Variants in EPHA7 observed in about 807,000 individuals in gnomAD.
EPHA7 encodes EPH receptor A7.
Under a neutral mutation model 112.6 loss-of-function variants are expected in EPHA7, and 25 were observed. The ratio of observed to expected loss-of-function variants is 0.22; its 90% CI spans 0.16 to 0.31. The LOEUF (loss-of-function observed/expected upper bound fraction) is 0.31, where lower values mean the gene tolerates loss of function less well. Ranked by LOEUF, EPHA7 falls within the 10% of genes least tolerant of loss-of-function variation. EPHA7 has a pLI of 1.00. For synonymous variants in EPHA7, 437 were observed against 406.5 expected, an observed-to-expected ratio of 1.07 and a Z score of -0.90; for missense variants, 962 against 1,212.6, an observed-to-expected ratio of 0.79 and a Z score of 3.07.
chr6:93,291,948 T>C (rs1029972553), intron 5 of EPHA7, among the ~76,000 whole-genome samples: 4 of 152,090 alleles, frequency 2.6e-5, no homozygotes, highest in Admixed American at 2.0e-4. Flanking sequence ...GTATGTAACA[T>C]ACATGGAATA....
intron 3 of EPHA7, among the ~76,000 whole-genome samples, chr6:93,391,097 A>C (rs1322930281): frequency 6.6e-6 from 1 of 151,924 alleles, no homozygotes; most frequent in Non-Finnish European, 1.5e-5. Flanking sequence ...AATAATTTAA[A>C]TTGTCAACAA....
At chr6:93,350,769 T>C (rs903472043) in intron 5 of EPHA7, among the ~76,000 whole-genome samples, 3 of 151,954 alleles carry the variant, frequency 2.0e-5, no homozygotes, top group African/African-American at 7.2e-5. Context: ...CAAACGACTA[T>C]ATGTAATATG....
At chr6:93,366,656 T>A (rs941100200) in intron 3 of EPHA7, among the ~76,000 whole-genome samples, 1 of 152,074 alleles carries the variant, frequency 6.6e-6, no homozygotes, top group Non-Finnish European at 1.5e-5. Flanking sequence ...ACGGCACCCC[T>A]GATGGTGTCT....
intron 10 of EPHA7, 49 bp from the exon 11 acceptor site, chr6:93,258,333 T>TA (rs774362521): frequency 3.4e-6 from 5 of 1,481,594 alleles, no homozygotes; most frequent in Non-Finnish European, 3.6e-6. Flanking sequence ...AATATTGTAA[T>TA]TTTCTTTTAA....
chr6:93,294,086 G>A (rs1413096448), intron 5 of EPHA7, among the ~76,000 whole-genome samples: 4 of 152,096 alleles, frequency 2.6e-5, no homozygotes, highest in African/African-American at 4.8e-5. Context: ...ATCATTTCCC[G>A]TGCAAGCAGA....
At chr6:93,377,331 G>A (rs557501165) in intron 3 of EPHA7, among the ~76,000 whole-genome samples, 4 of 151,966 alleles carry the variant, frequency 2.6e-5, no homozygotes, top group African/African-American at 7.2e-5. Flanking sequence ...TAGGCTCCAG[G>A]TATGTCCTTG....
chr6:93,357,103 C>A (rs772439456), intron 4 of EPHA7, 51 bp from the exon 5 acceptor site: 24 of 1,376,854 alleles, frequency 1.7e-5, no homozygotes, highest in African/African-American at 1.3e-4. Context: ...GAAAAAAAAA[C>A]ATACAAACAA....
At chr6:93,361,837 G>C (rs549560467) in intron 3 of EPHA7, among the ~76,000 whole-genome samples, 1 of 152,128 alleles carries the variant, frequency 6.6e-6, no homozygotes, top group East Asian at 1.9e-4. Context: ...AATTGATATA[G>C]CATGTGCCCT....
At chr6:93,319,885 A>G (rs1008260049) in intron 5 of EPHA7, among the ~76,000 whole-genome samples, 6 of 152,264 alleles carry the variant, frequency 3.9e-5, no homozygotes, top group African/African-American at 1.4e-4. Flanking sequence ...TTATAAATTC[A>G]CATGAAAAAT....
At chr6:93,327,031 G>C (rs1273797167) in intron 5 of EPHA7, among the ~76,000 whole-genome samples, 3 of 151,486 alleles carry the variant, frequency 2.0e-5, no homozygotes, top group Non-Finnish European at 4.4e-5. Context: ...GTGCTATCTA[G>C]AATTGGGCAC....
At chr6:93,382,595 C>G (rs1182655974) in intron 3 of EPHA7, among the ~76,000 whole-genome samples, 1 of 152,150 alleles carries the variant, frequency 6.6e-6, no homozygotes, top group Non-Finnish European at 1.5e-5. Context: ...CATTTCTCTT[C>G]TTTCTTCATG....
Position 93,414,711 on chromosome 6 carries a change from G to A in EPHA7, c.154C>T (p.Pro52Ser), listed in dbSNP as rs1268640001. Residue 52 changes from proline to serine, a missense_variant, in exon 2 of 17, where the codon CCC becomes TCC. Pro to Ser is a moderately conservative substitution (Grantham distance 74, BLOSUM62 -1). This residue lies in a region of EPHA7 where 56 missense variants were observed against 59.9 expected (regional missense o/e 0.94). Coordinates refer to ENST00000369303, the MANE Select transcript of EPHA7 (RefSeq NM_004440.4). ...TGATGAAAAAAACTTACCCCATTGG[G>A]TGGAGAGGAAATCCACTCCAACTCT... is the stretch of plus-strand genomic sequence containing the variant. ...QTELEWISSP[P>S]NGWEEISGLD... The A allele has an allele frequency of 1.9e-6, 3 of 1,611,478 alleles. No individual in the cohort carries two copies. Among genetic ancestry groups the A allele is most frequent in the South Asian group, 1.1e-5 (1 of 90,998 alleles).
intron 5 of EPHA7, among the ~76,000 whole-genome samples, chr6:93,294,786 G>C (rs1772567816): frequency 6.6e-6 from 1 of 151,954 alleles, no homozygotes; most frequent in South Asian, 2.1e-4. Context: ...ATTCACATAT[G>C]GCATTGATAA....
At chr6:93,273,929 G>A (rs1290744680) in intron 5 of EPHA7, among the ~76,000 whole-genome samples, 1 of 151,836 alleles carries the variant, frequency 6.6e-6, no homozygotes, top group Non-Finnish European at 1.5e-5. Flanking sequence ...TGTGACATGA[G>A]ACTCTACTTG....
chr6:93,329,576 G>A (rs933561381), intron 5 of EPHA7, among the ~76,000 whole-genome samples: 9 of 151,034 alleles, frequency 6.0e-5, no homozygotes, highest in Non-Finnish European at 1.0e-4. Context: ...TTCCAACACA[G>A]CTATTCTTTG....
At chr6:93,396,628 G>A (rs568585689) in intron 3 of EPHA7, among the ~76,000 whole-genome samples, 24 of 151,668 alleles carry the variant, frequency 1.6e-4, no homozygotes, top group Non-Finnish European at 1.9e-4. Flanking sequence ...ATGTTTTTAC[G>A]AATAGATTTA....
chr6:93,345,203 GTTTTGT>G (rs1345272803), intron 5 of EPHA7, among the ~76,000 whole-genome samples: 5 of 151,600 alleles, frequency 3.3e-5, no homozygotes, highest in Admixed American at 6.6e-5. Context: ...GGCTTAACCA[GTTTTGT>G]TTTTATCATC....
chr6:93,419,321 G>A lies in EPHA7; in HGVS notation c.21C>T (p.Tyr7=), dbSNP rs1779414366. ...TGTAGCATAAAATAATCCATGAAGG[G>A]TACCGAGTTTGAAAAACCATGGTGC... MVFQTR[Y]PSWIILCYIW... is the part of the protein sequence containing the mutation. The change falls in exon 1 of 17, where the codon TAC becomes TAT. Residue 7 remains tyrosine, a synonymous_variant. Coordinates refer to ENST00000369303, the MANE Select transcript of EPHA7 (RefSeq NM_004440.4). 3 of 1,614,088 alleles carry A rather than the reference G, an allele frequency of 1.9e-6. No individual in the cohort carries two copies. Among genetic ancestry groups the A allele is most frequent in the Non-Finnish European group, 8.5e-7 (1 of 1,179,944 alleles).
At chr6:93,347,976 G>A (rs1347911950) in intron 5 of EPHA7, among the ~76,000 whole-genome samples, 2 of 151,778 alleles carry the variant, frequency 1.3e-5, no homozygotes, top group Non-Finnish European at 2.9e-5. Context: ...GCATTAAATT[G>A]GAAATATGAG....
Sources: allele counts gnomAD v4.1 joint callset (sites outside exome capture counted in the v4.1 genomes callset), GRCh38; gene constraint gnomAD v4.1.1; regional missense constraint gnomAD v4.1.1; transcripts MANE v1.5; gene names NCBI Gene and HGNC (gene_info 2026-07-23, HGNC 2026-07-21).